Variants in RNF168 observed in about 807,000 individuals in gnomAD.
RNF168 encodes ring finger protein 168.
RNF168 carries 34 observed loss-of-function variants against 34.9 expected under a neutral mutation model. The observed-to-expected ratio is 0.97, with a 90% confidence interval of 0.74 to 1.30. The LOEUF (loss-of-function observed/expected upper bound fraction) is 1.30. Ranked by LOEUF, RNF168 falls within the 50% of genes most tolerant of loss-of-function variation. The pLI is 0.00. For missense variants in RNF168, 725 were observed against 682.5 expected (o/e 1.06, Z -0.69); for synonymous variants, 264 against 254.7 (o/e 1.04, Z -0.35).
rs550213818 is a variant in RNF168 at position 196,503,215 on chromosome 3, C to T, written c.-42G>A. 5 of 1,571,172 alleles carry T rather than the reference C, an allele frequency of 3.2e-6. No homozygotes were observed. The Admixed American group carries it at 8.4e-5, about 26-fold the overall frequency. On this transcript the variant is annotated 5_prime_UTR_variant, in exon 1 of 6. In the 5' UTR this introduces an upstream ATG that the reference lacks. Transcript: ENST00000318037. The stretch of plus-strand genomic sequence containing the variant: ...AGCCGACTAAACAACGACACCTGCA[C>T]GAAAAAGAATCCTATTTTCGGCCAA...
Position 196,471,310 on chromosome 3 carries a change from C to T in RNF168, c.*509G>A, listed in dbSNP as rs1434646351. On this transcript the variant is annotated 3_prime_UTR_variant, in exon 6 of 6. Coordinates refer to ENST00000318037, the MANE Select transcript of RNF168 (RefSeq NM_152617.4). ...AAAAAAACAAACACCAAAGGAAATG[C>T]TACAATGCTGAAAATTGAATTAAAT... The T allele has an allele frequency of 6.8e-6, 1 of 146,924 alleles. No individual in the cohort carries two copies. Among genetic ancestry groups the T allele is most frequent in the African/African-American group, 2.5e-5 (1 of 40,058 alleles). The allele number at this position is 146,924 out of a possible 1,614,324, so 9.1% of individuals were successfully genotyped here. A position where few individuals can be genotyped will look rare whatever the true frequency, so the allele number is the denominator to read the frequency against.
chr3:196,500,915 G>T (rs929992165), intron 1 of RNF168, among the ~76,000 whole-genome samples: 1 of 152,108 alleles, frequency 6.6e-6, no homozygotes, highest in South Asian at 2.1e-4. Flanking sequence ...GTTTCACCGT[G>T]TTAGCCAGGA....
rs1348570237 is a variant in RNF168, at chr3:196,468,960, G to A, written c.*2859C>T. On this transcript the variant is annotated 3_prime_UTR_variant, in exon 6 of 6. Transcript: ENST00000318037. Reference sequence around the variant, plus strand: ...CAAAAAGGCATACATGGTAGGCAGAGTAGAAATACTAACAGAAATTAGTTT... The same window carrying A: ...CAAAAAGGCATACATGGTAGGCAGAATAGAAATACTAACAGAAATTAGTTT... The A allele has an allele frequency of 6.6e-6, 1 of 152,106 alleles. No homozygotes were observed. Among genetic ancestry groups the A allele is most frequent in the Non-Finnish European group, 1.5e-5 (1 of 68,006 alleles). 9.4% of individuals were successfully genotyped at this position (152,106 alleles called of 1,614,324 possible).
chr3:196,487,286 T>A, intron 3 of RNF168, 113 bp downstream of exon 3: 1 of 952,486 alleles, frequency 1.0e-6, no homozygotes, highest in Non-Finnish European at 1.7e-6. Context: ...AAAGACAATA[T>A]TTGTGGGATG....
intron 1 of RNF168, among the ~76,000 whole-genome samples, chr3:196,491,632 G>C (rs1224265842): frequency 6.6e-6 from 1 of 152,078 alleles, no homozygotes; most frequent in Non-Finnish European, 1.5e-5. Context: ...GGCGACAGAG[G>C]GAGGCTCCGT....
At chr3:196,479,337 T>A (rs1330849031) in intron 4 of RNF168, among the ~76,000 whole-genome samples, 1 of 151,364 alleles carries the variant, frequency 6.6e-6, no homozygotes, top group Non-Finnish European at 1.5e-5. Flanking sequence ...GGCAGGGTCT[T>A]GCTGTCACCA....
intron 3 of RNF168, among the ~76,000 whole-genome samples, chr3:196,486,145 A>C (rs1232311642): frequency 3.3e-5 from 5 of 152,194 alleles, no homozygotes; most frequent in Non-Finnish European, 7.3e-5. Context: ...TCCAAGTTTA[A>C]TACATTATCT....
At position 196,469,848 on chromosome 3, in the gene RNF168, T is replaced by C. The variant is rs1028346977; in HGVS notation, c.*1971A>G. 1 of 152,222 alleles carries C rather than the reference T, an allele frequency of 6.6e-6. No individual in the cohort carries two copies. Among genetic ancestry groups the C allele is most frequent in the African/African-American group, 2.4e-5 (1 of 41,462 alleles). The allele number at this position is 152,222 out of a possible 1,614,324, so 9.4% of individuals were successfully genotyped here. A position where few individuals can be genotyped will look rare whatever the true frequency, so the allele number is the denominator to read the frequency against. On this transcript the variant is annotated 3_prime_UTR_variant, in exon 6 of 6. Coordinates refer to ENST00000318037, the MANE Select transcript of RNF168 (RefSeq NM_152617.4). ...TGTGAGGTAACTCTCCTGTAATACATTCCCATTTTTTTCTGGAATAGCAGA... is the reference window on the plus strand; with the variant it reads ...TGTGAGGTAACTCTCCTGTAATACACTCCCATTTTTTTCTGGAATAGCAGA...
intron 3 of RNF168, among the ~76,000 whole-genome samples, chr3:196,484,195 C>T (rs1376799845): frequency 1.4e-5 from 1 of 73,014 alleles, no homozygotes. Context: ...TTTTGAGACG[C>T]AGTCTCGCTC....
chr3:196,477,881 C>T (rs1438621052), intron 4 of RNF168, among the ~76,000 whole-genome samples: 5 of 151,598 alleles, frequency 3.3e-5, no homozygotes, highest in South Asian at 4.2e-4. Flanking sequence ...GCCAGGAGTC[C>T]GAAAACTGGA....
intron 1 of RNF168, among the ~76,000 whole-genome samples, chr3:196,497,332 T>C (rs1204791122): frequency 6.6e-6 from 1 of 152,100 alleles, no homozygotes; most frequent in Non-Finnish European, 1.5e-5. Context: ...CCCTAACTTA[T>C]ACAATATTCA....
rs1342793794 is a variant in RNF168 at position 196,475,323 on chromosome 3, A to G, written c.681-11T>C. Reference sequence around the variant, plus strand: ...TTCGGTGTCAAATACCTAAAAGAAAAGTTTACCAAAGTTTCAATGCTTTCA... The same window carrying G: ...TTCGGTGTCAAATACCTAAAAGAAAGGTTTACCAAAGTTTCAATGCTTTCA... On this transcript the variant is annotated splice_polypyrimidine_tract_variant and intron_variant, in intron 4 of 5. Transcript: ENST00000318037. 1 of 1,508,448 alleles carries G rather than the reference A, an allele frequency of 6.6e-7. No individual in the cohort carries two copies. The highest frequency in any genetic ancestry group is 1.7e-5 in the Admixed American group (1 of 59,852). The allele number at this position is 1,508,448 out of a possible 1,614,324, so 93.4% of individuals were successfully genotyped here.
intron 1 of RNF168, among the ~76,000 whole-genome samples, chr3:196,497,515 C>A (rs1732771981): frequency 6.6e-6 from 1 of 151,858 alleles, no homozygotes; most frequent in African/African-American, 2.4e-5. Context: ...ACAAAAAATA[C>A]AAAAATTAGC....
At chr3:196,497,494 G>A (rs1577523009) in intron 1 of RNF168, among the ~76,000 whole-genome samples, 1 of 151,598 alleles carries the variant, frequency 6.6e-6, no homozygotes, top group Non-Finnish European at 1.5e-5. Flanking sequence ...ACATGGTGAA[G>A]CCCCATCTCT....
In RNF168 at chr3:196,475,283, G is replaced by A. The variant is rs764335904; in HGVS notation, c.710C>T (p.Ser237Leu). The A allele has an allele frequency of 8.7e-6, 14 of 1,611,054 alleles. No homozygotes were observed. The highest frequency in any genetic ancestry group is 1.2e-5 in the Non-Finnish European group (14 of 1,177,254). The change falls in exon 5 of 6, where the codon TCA becomes TTA. Residue 237 changes from serine to leucine, a missense_variant. By Grantham distance (145) the Ser-to-Leu change is moderately radical. Transcript: ENST00000318037. ...KYLTPKSQFGSASHSEAVQEV... is the reference protein window; with the variant it reads ...KYLTPKSQFGLASHSEAVQEV... ...TTGTACAGCTTCAGAGTGTGAGGCTGACCCAAACTGAGATTTCGGTGTCAA... is the reference window on the plus strand; with the variant it reads ...TTGTACAGCTTCAGAGTGTGAGGCTAACCCAAACTGAGATTTCGGTGTCAA...
At chr3:196,482,511 G>T (rs76735007) in intron 4 of RNF168, among the ~76,000 whole-genome samples, 78 of 152,306 alleles carry the variant, frequency 5.1e-4, no homozygotes, top group African/African-American at 1.9e-3. Flanking sequence ...AACTTTTCAA[G>T]GAATCACCAA....
At chr3:196,495,498 C>T (rs9837568) in intron 1 of RNF168, among the ~76,000 whole-genome samples, 70,815 of 152,032 alleles carry the variant, frequency 0.47, 17,766 homozygotes, top group East Asian at 0.71. Context: ...CTTCATGACA[C>T]TGACATTTTT....
At chr3:196,474,243 T>G (rs951122330) in intron 5 of RNF168, among the ~76,000 whole-genome samples, 2 of 147,904 alleles carry the variant, frequency 1.4e-5, no homozygotes, top group Non-Finnish European at 3.0e-5. Flanking sequence ...TACTCCTGCC[T>G]CAGCCTCCTG....
intron 1 of RNF168, among the ~76,000 whole-genome samples, chr3:196,492,174 T>C (rs955135504): frequency 2.0e-5 from 3 of 152,102 alleles, no homozygotes; most frequent in African/African-American, 7.2e-5. Context: ...GGAAAAAAAG[T>C]AAATCACTTT....
Sources: gnomAD v4.1 joint callset for allele counts (sites outside exome capture counted in the v4.1 genomes callset) on GRCh38, gnomAD v4.1.1 for gene constraint, MANE v1.5 for transcripts, NCBI Gene and HGNC (gene_info 2026-07-23, HGNC 2026-07-21) for gene names.